XRN1: variants seen among roughly 807,000 people sequenced by gnomAD.
XRN1 encodes the protein strand-exchange protein 1 homolog.
Under a neutral mutation model 222.3 loss-of-function variants are expected in XRN1, and 67 were observed. The ratio of observed to expected loss-of-function variants is 0.30; its 90% CI spans 0.25 to 0.37. The LOEUF (loss-of-function observed/expected upper bound fraction) is 0.37, where lower values mean the gene tolerates loss of function less well. XRN1 is among the 10% of genes least tolerant of loss of function. XRN1 has a pLI of 1.00. For missense variants in XRN1, 1,707 were observed against 2,000.2 expected, an observed-to-expected ratio of 0.85 and a Z score of 2.80; for synonymous variants, 643 against 652.4, an observed-to-expected ratio of 0.99 and a Z score of 0.22.
At chr3:142,317,343 C>G (rs966383214) in intron 39 of XRN1, among the ~76,000 whole-genome samples, 2 of 152,084 alleles carry the variant, frequency 1.3e-5, no homozygotes, top group Non-Finnish European at 2.9e-5. Context: ...AGTCTCTGTT[C>G]TTTCTTATTT....
At chr3:142,438,271 G>C (rs1338824005) in intron 1 of XRN1, among the ~76,000 whole-genome samples, 1 of 151,870 alleles carries the variant, frequency 6.6e-6, no homozygotes, top group Non-Finnish European at 1.5e-5. Flanking sequence ...GAGGTCCGTG[G>C]GGAGTTACGC....
rs35363343 is a variant in XRN1 at position 142,334,840 on chromosome 3, A to AT, written c.3939+607dup. Among the ~76,000 whole-genome samples the AT allele has an allele frequency of 2.0e-3, 283 of 140,610 alleles. 1 individual carries two copies. The highest frequency in any genetic ancestry group is 3.6e-3 in the African/African-American group (136 of 38,190). The allele number at this position is 140,610 out of a possible 152,430, so 92.2% of individuals were successfully genotyped here. ...TATTGGGAGCAACTACAAGTGATTA[A>AT]TTTTTTTTTTTTTTTGAGACAGAGT... On this transcript the variant is annotated intron_variant, in intron 34 of 40. Transcript: ENST00000392981.
At position 142,447,997 on chromosome 3, in the gene XRN1, G is replaced by A. The variant is rs2070607161; in HGVS notation, c.-53C>T. 5.0e-6 allele frequency: 8 copies of A among 1,585,676 alleles called. No individual in the cohort carries two copies. In the Admixed American group the frequency reaches 8.4e-5, roughly 17 times the overall value. ...GGGCCAAACCGAAACCAAACGCCCC[G>A]CCGGGGCTCCGCCGCAGCCTCCGGT... On this transcript the variant is annotated 5_prime_UTR_variant, in exon 1 of 41. Transcript: ENST00000392981. The surrounding 1 kb of genome is among the most constrained non-coding windows in gnomAD (Gnocchi z 4.2).
At chr3:142,338,480 C>T (rs2065905592) in intron 33 of XRN1, among the ~76,000 whole-genome samples, 1 of 151,950 alleles carries the variant, frequency 6.6e-6, no homozygotes. Context: ...CATGTGCCTT[C>T]GATAAGAGTC....
At chr3:142,326,950 A>C (rs563566026) in intron 37 of XRN1, among the ~76,000 whole-genome samples, 27 of 152,306 alleles carry the variant, frequency 1.8e-4, no homozygotes, top group African/African-American at 6.5e-4. Flanking sequence ...ACATCCTTGC[A>C]TACCTGGGAT....
At chr3:142,440,459 AG>A in intron 1 of XRN1, among the ~76,000 whole-genome samples, 1 of 152,116 alleles carries the variant, frequency 6.6e-6, no homozygotes, top group Middle Eastern at 3.4e-3. Context: ...AACATGGACG[AG>A]CAAAGAATGC....
chr3:142,337,748 A>T (rs1021946933), intron 33 of XRN1, among the ~76,000 whole-genome samples: 2 of 152,240 alleles, frequency 1.3e-5, no homozygotes, highest in African/African-American at 4.8e-5. Flanking sequence ...GCAAGTGTTT[A>T]TAAGCAGAAA....
In XRN1 at chr3:142,335,479, T is replaced by G; in HGVS notation, c.3908A>C (p.Glu1303Ala). ...ATTGGACATTTTTTGGGACCAACACTCAGCTTTAGGACTCTTACACTCTTC... is the reference window on the plus strand; with the variant it reads ...ATTGGACATTTTTTGGGACCAACACGCAGCTTTAGGACTCTTACACTCTTC... ...FKEECKSPKA[E>A]CWSQKMSNKQ... The change falls in exon 34 of 41, where the codon GAG (glutamate) becomes GCG (alanine). Residue 1303 changes from glutamate (E) to alanine (A), a missense_variant. By Grantham distance (107) the Glu-to-Ala change is moderately radical. Coordinates refer to ENST00000392981, the MANE Select transcript of XRN1 (RefSeq NM_001282857.2). 2 of 1,613,948 alleles carry G rather than the reference T, an allele frequency of 1.2e-6. No homozygotes were observed. The highest frequency in any genetic ancestry group is 1.7e-6 in the Non-Finnish European group (2 of 1,179,904).
chr3:142,363,796 T>C (rs541742927), intron 29 of XRN1, among the ~76,000 whole-genome samples: 34 of 152,332 alleles, frequency 2.2e-4, no homozygotes, highest in African/African-American at 7.5e-4. Flanking sequence ...TTTAAATAAA[T>C]TTTACAACCA....
intron 1 of XRN1, among the ~76,000 whole-genome samples, chr3:142,441,902 G>A (rs1464466874): frequency 3.9e-5 from 6 of 152,058 alleles, no homozygotes; most frequent in African/African-American, 1.2e-4. Flanking sequence ...TACTGAATTC[G>A]CATACAATTC....
intron 23 of XRN1, among the ~76,000 whole-genome samples, 196 bp downstream of exon 23, chr3:142,379,886 C>T (rs1435004713): frequency 6.6e-6 from 1 of 152,038 alleles, no homozygotes; most frequent in South Asian, 2.1e-4. Context: ...TCAGTGATTT[C>T]CCCCCACAAA....
At chr3:142,399,583 T>C (rs973608936) in intron 19 of XRN1, among the ~76,000 whole-genome samples, 3 of 151,830 alleles carry the variant, frequency 2.0e-5, no homozygotes, top group Admixed American at 6.6e-5. Context: ...AATTAATAAA[T>C]TGGACTTCAT....
intron 22 of XRN1, among the ~76,000 whole-genome samples, chr3:142,381,195 T>C (rs2067290463): frequency 6.6e-6 from 1 of 152,168 alleles, no homozygotes; most frequent in East Asian, 1.9e-4. Flanking sequence ...TTGTGTACTA[T>C]GTGTGTATTT....
chr3:142,442,547 A>G (rs545279049), intron 1 of XRN1, among the ~76,000 whole-genome samples: 8 of 152,302 alleles, frequency 5.3e-5, no homozygotes, highest in South Asian at 2.1e-4. Flanking sequence ...CAGCTAACCA[A>G]TGGAAATTAC....
Position 142,422,670 on chromosome 3 carries a change from A to G in XRN1, c.879T>C (p.Phe293=), listed in dbSNP as rs779870164. The G allele has an allele frequency of 1.2e-6, 2 of 1,612,664 alleles. No homozygotes were observed. Among genetic ancestry groups the G allele is most frequent in the Non-Finnish European group, 1.7e-6 (2 of 1,178,786 alleles). ...TATGTAAATGAGGTAGATGAGGGATAAAATCATTACCAACAAGAAACCCCA... is the reference window on the plus strand; with the variant it reads ...TATGTAAATGAGGTAGATGAGGGATGAAATCATTACCAACAAGAAACCCCA... The part of the protein sequence containing the change: ...ILMGFLVGND[F]IPHLPHLHIN... The change falls in exon 8 of 41, where the codon TTT becomes TTC. Residue 293 remains phenylalanine, a synonymous_variant. Coordinates refer to ENST00000392981, the MANE Select transcript of XRN1 (RefSeq NM_001282857.2).
At chr3:142,414,467 T>C (rs1201820444) in intron 13 of XRN1, 176 bp from the exon 14 acceptor site, 1 of 433,402 alleles carries the variant, frequency 2.3e-6, no homozygotes, top group African/African-American at 2.1e-5. Context: ...ATTTAGGTCA[T>C]CCGATGGCAA....
intron 37 of XRN1, among the ~76,000 whole-genome samples, chr3:142,323,488 T>A (rs1004814031): frequency 2.0e-5 from 3 of 152,124 alleles, no homozygotes; most frequent in African/African-American, 7.2e-5. Flanking sequence ...GGCCCACTTT[T>A]AAGTTTTAAT....
chr3:142,343,006 T>A (rs1048704918), intron 33 of XRN1, among the ~76,000 whole-genome samples: 1 of 151,682 alleles, frequency 6.6e-6, no homozygotes, highest in Non-Finnish European at 1.5e-5. Flanking sequence ...TGGGAAAAAA[T>A]ATTTGCAAAC....
chr3:142,315,470 A>G (rs1412023264), intron 39 of XRN1, among the ~76,000 whole-genome samples: 1 of 151,854 alleles, frequency 6.6e-6, no homozygotes, highest in Non-Finnish European at 1.5e-5. Context: ...AAAAAAAATC[A>G]AAATACTACA....
Sources: gnomAD v4.1 joint callset for allele counts (sites outside exome capture counted in the v4.1 genomes callset) on GRCh38, gnomAD v4.1.1 for gene constraint, Gnocchi (gnomAD v3.1) non-coding constraint, MANE v1.5 for transcripts, NCBI Gene and HGNC (gene_info 2026-07-23, HGNC 2026-07-21) for gene names.